GABRB3: variants seen among roughly 807,000 people sequenced by gnomAD.
GABRB3 encodes the protein gamma-aminobutyric acid type A receptor subunit beta3, also known as gamma-aminobutyric acid receptor subunit beta-3.
Under a neutral mutation model 52.1 loss-of-function variants are expected in GABRB3, and 14 were observed. That is an observed-to-expected ratio of 0.27 (90% CI 0.18 to 0.42). GABRB3 has a LOEUF of 0.42. GABRB3 is among the 10% of genes least tolerant of loss of function. The probability of loss-of-function intolerance (pLI) is 1.00; values close to 1 mark genes in which losing one functional copy is unlikely to be tolerated. For missense variants in GABRB3, 307 were observed against 609.1 expected (o/e 0.50, Z 5.22); for synonymous variants, 260 against 232.3 (o/e 1.12, Z -1.08).
At chr15:26,628,345 G>A (rs1892785921) in intron 3 of GABRB3, among the ~76,000 whole-genome samples, 1 of 152,232 alleles carries the variant, frequency 6.6e-6, no homozygotes, top group Non-Finnish European at 1.5e-5. Context: ...GCAACTTGGG[G>A]GAGGCGAAGA....
At chr15:26,757,381 C>T (rs542547378) in intron 3 of GABRB3, among the ~76,000 whole-genome samples, 8 of 152,244 alleles carry the variant, frequency 5.3e-5, no homozygotes, top group Admixed American at 2.6e-4. Context: ...ATTGCTCACT[C>T]GCTCCTGGGC....
Position 26,687,618 on chromosome 15 carries a change from G to A in GABRB3, c.241-66084C>T, listed in dbSNP as rs1477261888. Among the ~76,000 whole-genome samples, 3 of 151,588 alleles carry A rather than the reference G, an allele frequency of 2.0e-5. No homozygotes were observed. The East Asian group carries it at 5.8e-4, about 29-fold the overall frequency. On this transcript the variant is annotated intron_variant, in intron 3 of 8. Transcript: ENST00000311550. ...TCATTTCTCAGAATGATGAAAAATA[G>A]TATAATATAAAATATTTAGAACCAT... is the stretch of plus-strand genomic sequence containing the variant.
chr15:26,559,713 G>C (rs1242428483), intron 8 of GABRB3, among the ~76,000 whole-genome samples: 1 of 152,206 alleles, frequency 6.6e-6, no homozygotes, highest in Non-Finnish European at 1.5e-5. Context: ...GTGGCTTTGT[G>C]GTTGGAAGGA....
At chr15:26,654,264 G>A (rs1051499337) in intron 3 of GABRB3, among the ~76,000 whole-genome samples, 2 of 152,170 alleles carry the variant, frequency 1.3e-5, no homozygotes, top group African/African-American at 4.8e-5. Flanking sequence ...TCCTGCCTCA[G>A]CCTCCCGAGT....
chr15:26,702,772 C>G (rs568323954), intron 3 of GABRB3, among the ~76,000 whole-genome samples: 1 of 152,164 alleles, frequency 6.6e-6, no homozygotes, highest in Non-Finnish European at 1.5e-5. Flanking sequence ...TTCATAGCAG[C>G]CTTTTTAATT....
intron 3 of GABRB3, among the ~76,000 whole-genome samples, chr15:26,687,159 C>A (rs191778932): frequency 6.6e-6 from 1 of 152,336 alleles, no homozygotes; most frequent in East Asian, 1.9e-4. Flanking sequence ...AGATGACTCT[C>A]CACTGTGCTC....
intron 6 of GABRB3, among the ~76,000 whole-genome samples, chr15:26,578,607 T>C (rs1346247671): frequency 6.6e-6 from 1 of 152,216 alleles, no homozygotes; most frequent in Admixed American, 6.5e-5. Context: ...GGAAGCAGCA[T>C]ACCCTCTACA....
chr15:26,587,874 C>A (rs1396152919), intron 4 of GABRB3, among the ~76,000 whole-genome samples: 3 of 152,172 alleles, frequency 2.0e-5, no homozygotes. Flanking sequence ...TCTAGTGCCA[C>A]CTTCTCCAGC....
At chr15:26,636,802 C>A (rs894928893) in intron 3 of GABRB3, among the ~76,000 whole-genome samples, 4 of 152,234 alleles carry the variant, frequency 2.6e-5, no homozygotes, top group Non-Finnish European at 4.4e-5. Flanking sequence ...TTTCACTCAT[C>A]TCTTCTCTCA....
At chr15:26,586,232 C>A (rs1283340526) in intron 4 of GABRB3, among the ~76,000 whole-genome samples, 2 of 151,916 alleles carry the variant, frequency 1.3e-5, no homozygotes, top group African/African-American at 4.8e-5. Flanking sequence ...ATCTCCTGAC[C>A]CCGATCCACC....
chr15:26,608,527 A>G (rs1181257019), intron 4 of GABRB3, among the ~76,000 whole-genome samples: 3 of 152,180 alleles, frequency 2.0e-5, no homozygotes, highest in Non-Finnish European at 2.9e-5. Context: ...ACTGGAAGAC[A>G]TATGTGCAAG....
At chr15:26,608,793 AAAGAT>A (rs1483924607) in intron 4 of GABRB3, among the ~76,000 whole-genome samples, 1 of 152,160 alleles carries the variant, frequency 6.6e-6, no homozygotes, top group East Asian at 1.9e-4. Flanking sequence ...CAAAAAGATG[AAAGAT>A]AAGTGTTGGC....
At chr15:26,620,848 C>T (rs763156386) in intron 4 of GABRB3, among the ~76,000 whole-genome samples, 3 of 152,120 alleles carry the variant, frequency 2.0e-5, no homozygotes, top group Non-Finnish European at 4.4e-5. Context: ...AAATCTCTCA[C>T]TTAGTCATTC....
intron 3 of GABRB3, among the ~76,000 whole-genome samples, chr15:26,689,028 C>T (rs1190304144): frequency 1.3e-5 from 2 of 152,214 alleles, no homozygotes; most frequent in Admixed American, 6.5e-5. Flanking sequence ...TATTTGTCCT[C>T]GCCACATTCC....
chr15:26,588,637 A>T (rs1451734054), intron 4 of GABRB3, among the ~76,000 whole-genome samples: 1 of 152,216 alleles, frequency 6.6e-6, no homozygotes, highest in Non-Finnish European at 1.5e-5. Flanking sequence ...AATGAAGAGC[A>T]ATAAGGTTGA....
intron 3 of GABRB3, among the ~76,000 whole-genome samples, chr15:26,746,995 T>C (rs539003244): frequency 1.9e-3 from 265 of 142,516 alleles, no homozygotes; most frequent in African/African-American, 5.8e-3. Context: ...TCAAAATAAA[T>C]AAACAAACAA....
At chr15:26,553,544 G>A (rs1595433194) in intron 8 of GABRB3, 1 of 152,266 alleles carries the variant, frequency 6.6e-6, no homozygotes, top group Admixed American at 6.5e-5. Context: ...AAAACAGAAA[G>A]CATTATTTAG....
intron 3 of GABRB3, among the ~76,000 whole-genome samples, chr15:26,755,107 G>T (rs921510600): frequency 1.3e-5 from 2 of 151,342 alleles, no homozygotes; most frequent in African/African-American, 4.9e-5. Flanking sequence ...TGGTTCAAGC[G>T]ATTCTCCTGC....
At chr15:26,568,808 C>A (rs896250193) in intron 6 of GABRB3, among the ~76,000 whole-genome samples, 15 of 151,994 alleles carry the variant, frequency 9.9e-5, no homozygotes, top group African/African-American at 3.6e-4. Flanking sequence ...AGCCACTGAG[C>A]CCGGCCTATT....
Sources: allele counts gnomAD v4.1 joint callset (sites outside exome capture counted in the v4.1 genomes callset), GRCh38; gene constraint gnomAD v4.1.1; transcripts MANE v1.5; gene names NCBI Gene and HGNC (gene_info 2026-07-23, HGNC 2026-07-21).